The following DNAAF4 variants were observed in gnomAD, a reference collection of about 807,000 sequenced individuals.
DNAAF4 encodes the protein dynein axonemal assembly factor 4.
A neutral mutation model predicts 51.8 loss-of-function variants in DNAAF4; 43 were observed. The observed-to-expected ratio is 0.83, with a 90% CI of 0.65 to 1.07. DNAAF4 has a LOEUF of 1.07. Among genes scored for constraint, DNAAF4 ranks in the 50% least tolerant of loss-of-function variants. DNAAF4 has a pLI of 0.00. For missense variants in DNAAF4, 581 were observed against 493.0 expected (o/e 1.18, Z -1.69); for synonymous variants, 194 against 165.6 (o/e 1.17, Z -1.32).
At chr15:55,462,887 G>C (rs1195991605) in intron 5 of DNAAF4, among the ~76,000 whole-genome samples, 2 of 152,162 alleles carry the variant, frequency 1.3e-5, no homozygotes, top group African/African-American at 4.8e-5. Flanking sequence ...AAAAGCATTT[G>C]AGGCCGAGTG....
At position 55,446,596 on chromosome 15, in the gene DNAAF4, C is replaced by T. The variant is rs545385023; in HGVS notation, c.783+3626G>A. Among the ~76,000 whole-genome samples the T allele has an allele frequency of 3.4e-5, 5 of 147,998 alleles. No individual in the cohort carries two copies. In the South Asian group the frequency reaches 1.1e-3, roughly 32 times the overall value. On this transcript the variant is annotated intron_variant, in intron 6 of 9. Transcript: ENST00000321149. ...AGGGCAGCCAGGCAGAGGCGCTCCT[C>T]ACCTTCCAGACAGGGCGGCCGAGCA...
intron 7 of DNAAF4, among the ~76,000 whole-genome samples, chr15:55,437,595 G>GTTAT (rs2057635245): frequency 6.6e-6 from 1 of 152,102 alleles, no homozygotes. Flanking sequence ...ATGTGAATAA[G>GTTAT]TTAAAGAGTT....
At chr15:55,474,882 G>C (rs1036504721) in intron 4 of DNAAF4, among the ~76,000 whole-genome samples, 14 of 152,002 alleles carry the variant, frequency 9.2e-5, no homozygotes, top group Non-Finnish European at 1.9e-4. Flanking sequence ...TGGAGGCTGA[G>C]GAAGGAGAAT....
intron 7 of DNAAF4, chr15:55,418,634 G>C: frequency 9.2e-7 from 1 of 1,087,948 alleles, no homozygotes; most frequent in South Asian, 1.8e-5. Context: ...TAAATCTAAG[G>C]GTAGAATACC....
At chr15:55,461,739 A>C (rs1309518732) in intron 5 of DNAAF4, among the ~76,000 whole-genome samples, 2 of 152,180 alleles carry the variant, frequency 1.3e-5, no homozygotes, top group East Asian at 3.9e-4. Context: ...CTAGAGAAAA[A>C]AGAACACATC....
At chr15:55,472,738 G>A (rs192976755) in intron 4 of DNAAF4, among the ~76,000 whole-genome samples, 72 of 152,278 alleles carry the variant, frequency 4.7e-4, no homozygotes, top group Non-Finnish European at 8.1e-4. Flanking sequence ...ATAATGAATA[G>A]TTCCTACACT....
At chr15:55,466,691 A>C (rs2058175274) in intron 5 of DNAAF4, among the ~76,000 whole-genome samples, 2 of 152,202 alleles carry the variant, frequency 1.3e-5, no homozygotes, top group Admixed American at 6.5e-5. Flanking sequence ...AAGAAAGCAC[A>C]CAAGCAAAGA....
chr15:55,504,924 A>T (rs912160135), intron 1 of DNAAF4, among the ~76,000 whole-genome samples: 1 of 152,338 alleles, frequency 6.6e-6, no homozygotes, highest in Non-Finnish European at 1.5e-5. Flanking sequence ...GACAAATGGG[A>T]TCTAATTAAA....
At chr15:55,429,675 G>C (rs1280406514), downstream of DNAAF4, among the ~76,000 whole-genome samples, 3 of 151,892 alleles carry the variant, frequency 2.0e-5, no homozygotes, top group Non-Finnish European at 2.9e-5. Flanking sequence ...AAATTAGTCA[G>C]GCGTGGTGGC....
At chr15:55,486,896 C>A (rs1367834679) in intron 4 of DNAAF4, among the ~76,000 whole-genome samples, 1 of 152,162 alleles carries the variant, frequency 6.6e-6, no homozygotes, top group Non-Finnish European at 1.5e-5. Flanking sequence ...TCCCTCTTTA[C>A]TGGCTTCCTT....
At chr15:55,498,183 G>A (rs12907654) in intron 2 of DNAAF4, 24 bp downstream of exon 2, 10 of 1,613,990 alleles carry the variant, frequency 6.2e-6, no homozygotes, top group Non-Finnish European at 7.6e-6. Context: ...CCCGGAGACC[G>A]GCAGGCAAGA....
intron 4 of DNAAF4, among the ~76,000 whole-genome samples, chr15:55,485,090 G>A (rs1338989801): frequency 6.6e-6 from 1 of 152,162 alleles, no homozygotes; most frequent in Non-Finnish European, 1.5e-5. Context: ...CCAAAGGGTG[G>A]AAGCAACCCA....
At chr15:55,482,730 A>T (rs183196435) in intron 4 of DNAAF4, among the ~76,000 whole-genome samples, 2 of 152,314 alleles carry the variant, frequency 1.3e-5, no homozygotes, top group East Asian at 3.9e-4. Context: ...CTAGAAGTAC[A>T]TGAATGGTCA....
At position 55,433,928 on chromosome 15, in the gene DNAAF4, T is replaced by TATAATA. The variant is rs2057553592; in HGVS notation, c.1047+976_1047+977insTATTAT. ...ATTATATATAATTATATATATTATA[T>TATAATA]TATATAAAATATATATAATATATAT... On this transcript the variant is annotated intron_variant, in intron 8 of 9. Transcript: ENST00000321149. Among the ~76,000 whole-genome samples the TATAATA allele has an allele frequency of 6.2e-3, 37 of 5,994 alleles. 2 individuals carry two copies. Among genetic ancestry groups the TATAATA allele is most frequent in the African/African-American group, 0.015 (28 of 1,926 alleles). The allele number at this position is 5,994 out of a possible 152,430, so 3.9% of individuals were successfully genotyped here. A position where few individuals can be genotyped will look rare whatever the true frequency, so the allele number is the denominator to read the frequency against.
At chr15:55,463,199 C>CACAT (rs2058119794) in intron 5 of DNAAF4, among the ~76,000 whole-genome samples, 1 of 151,830 alleles carries the variant, frequency 6.6e-6, no homozygotes, top group Non-Finnish European at 1.5e-5. Context: ...CACACACACA[C>CACAT]ACACACACAC....
chr15:55,503,845 T>C (rs564098290), intron 1 of DNAAF4, among the ~76,000 whole-genome samples: 17 of 152,238 alleles, frequency 1.1e-4, no homozygotes, highest in South Asian at 8.3e-4. Flanking sequence ...ACTGGAAGCA[T>C]TCCCTTTGAA....
intron 7 of DNAAF4, among the ~76,000 whole-genome samples, chr15:55,421,186 T>TGA (rs1211023136): frequency 2.1e-5 from 1 of 47,920 alleles, no homozygotes; most frequent in African/African-American, 8.8e-5. Context: ...TGAGACTATC[T>TGA]CAAAAAAAAA....
Position 55,439,492 on chromosome 15 carries a change from T to C in DNAAF4, c.873A>G (p.Glu291=). 1 of 1,613,902 alleles carries C rather than the reference T, an allele frequency of 6.2e-7. No homozygotes were observed. Among genetic ancestry groups the C allele is most frequent in the East Asian group, 2.2e-5 (1 of 44,872 alleles). The change falls in exon 7 of 10, where the codon GAA becomes GAG. Residue 291 remains glutamate, a synonymous_variant. Transcript: ENST00000321149. ...CTTACTTTCCTTTATCCTTCAACCA[T>C]TCTGGGTTCTTTTCTTCTTCTTTTA... is the stretch of plus-strand genomic sequence containing the variant. ...CDLKEEEKNP[E]WLKDKGNKLF...
At chr15:55,450,069 TTC>T (rs563998050) in intron 6 of DNAAF4, among the ~76,000 whole-genome samples, 151 bp downstream of exon 6, 1 of 152,180 alleles carries the variant, frequency 6.6e-6, no homozygotes, top group Non-Finnish European at 1.5e-5. Flanking sequence ...AAAATATATT[TTC>T]TCATAAGGAA....
Sources: allele counts gnomAD v4.1 joint callset (sites outside exome capture counted in the v4.1 genomes callset), GRCh38; gene constraint gnomAD v4.1.1; transcripts MANE v1.5; gene names NCBI Gene and HGNC (gene_info 2026-07-23, HGNC 2026-07-21).